Variants in CAMKMT observed in about 807,000 individuals in gnomAD.
The protein encoded by CAMKMT is calmodulin-lysine N-methyltransferase.
In CAMKMT, 53 loss-of-function variants were observed where a neutral mutation model predicts 48.0. The observed-to-expected ratio is 1.10, with a 90% CI of 0.89 to 1.39. CAMKMT has a LOEUF of 1.39. CAMKMT is among the 40% of genes most tolerant of loss of function. The pLI, the probability that CAMKMT is intolerant of heterozygous loss-of-function variation, is 0.00. For synonymous variants in CAMKMT, 165 were observed against 152.3 expected (o/e 1.08, Z -0.61); for missense variants, 428 against 402.7 (o/e 1.06, Z -0.54).
chr2:44,621,817 C>T (rs145218809), intron 3 of CAMKMT, among the ~76,000 whole-genome samples: 316 of 152,224 alleles, frequency 2.1e-3, no homozygotes, highest in African/African-American at 7.1e-3. Flanking sequence ...ATTCTTTTTG[C>T]TCCATGGAGA....
At chr2:44,718,761 A>C (rs1019039115) in intron 7 of CAMKMT, among the ~76,000 whole-genome samples, 2 of 152,228 alleles carry the variant, frequency 1.3e-5, no homozygotes, top group African/African-American at 4.8e-5. Context: ...AGTAAGTTTC[A>C]CTTAAGAATG....
chr2:44,495,314 A>C (rs1305200582), intron 3 of CAMKMT, among the ~76,000 whole-genome samples: 1 of 151,708 alleles, frequency 6.6e-6, no homozygotes, highest in Non-Finnish European at 1.5e-5. Flanking sequence ...TAATTTTTTA[A>C]ATTTTTTTGG....
intron 3 of CAMKMT, among the ~76,000 whole-genome samples, chr2:44,682,248 C>T (rs1039882381): frequency 6.6e-6 from 1 of 152,152 alleles, no homozygotes; most frequent in African/African-American, 2.4e-5. Context: ...AAATGTGTAA[C>T]ATTTTTCAAG....
chr2:44,620,787 T>C (rs775659026), intron 3 of CAMKMT, among the ~76,000 whole-genome samples: 8 of 152,250 alleles, frequency 5.3e-5, no homozygotes, highest in Admixed American at 3.9e-4. Context: ...TTTAATACCA[T>C]GGATTCTAGT....
chr2:44,603,109 G>A (rs1281670412), intron 3 of CAMKMT, among the ~76,000 whole-genome samples: 1 of 151,908 alleles, frequency 6.6e-6, no homozygotes, highest in South Asian at 2.1e-4. Context: ...TGTTTTTTGA[G>A]ACAGAGACTT....
intron 3 of CAMKMT, among the ~76,000 whole-genome samples, chr2:44,503,052 C>T (rs973070522): frequency 2.0e-5 from 3 of 152,038 alleles, no homozygotes; most frequent in African/African-American, 7.2e-5. Flanking sequence ...CATTTTTATT[C>T]TGTTCCATGT....
Position 44,772,210 on chromosome 2 carries a change from G to T in CAMKMT, c.*97G>T. 1.1e-6 allele frequency: 1 copy of T among 952,044 alleles called. No homozygotes were observed. Among genetic ancestry groups the T allele is most frequent in the South Asian group, 1.5e-5 (1 of 68,816 alleles). 59.0% of individuals were successfully genotyped at this position (952,044 alleles called of 1,614,324 possible). A position where few individuals can be genotyped will look rare whatever the true frequency, so the allele number is the denominator to read the frequency against. Reference sequence around the variant, plus strand: ...GTAAGGGGTATAATCGCCTGCCTGCGCCCTTTGCAGCATTTCACGTGTGGG... The same window carrying T: ...GTAAGGGGTATAATCGCCTGCCTGCTCCCTTTGCAGCATTTCACGTGTGGG... On this transcript the variant is annotated 3_prime_UTR_variant, in exon 11 of 11. Coordinates refer to ENST00000378494, the MANE Select transcript of CAMKMT (RefSeq NM_024766.5).
At chr2:44,514,079 G>T (rs180995828) in intron 3 of CAMKMT, among the ~76,000 whole-genome samples, 2 of 149,894 alleles carry the variant, frequency 1.3e-5, no homozygotes, top group Non-Finnish European at 3.0e-5. Flanking sequence ...TCTAGCCTGG[G>T]TGACAGAGCG....
chr2:44,731,932 T>C (rs1424048864), intron 7 of CAMKMT, among the ~76,000 whole-genome samples: 1 of 152,196 alleles, frequency 6.6e-6, no homozygotes, highest in African/African-American at 2.4e-5. Context: ...GTTTGGCATG[T>C]CCATAGCTGT....
chr2:44,495,516 A>T (rs1669712507), intron 3 of CAMKMT, among the ~76,000 whole-genome samples: 1 of 152,200 alleles, frequency 6.6e-6, no homozygotes, highest in South Asian at 2.1e-4. Context: ...CAGTTTTGTA[A>T]TATGTGAAAA....
At chr2:44,739,856 A>T (rs910532784) in intron 7 of CAMKMT, among the ~76,000 whole-genome samples, 1 of 152,194 alleles carries the variant, frequency 6.6e-6, no homozygotes, top group African/African-American at 2.4e-5. Flanking sequence ...CAAAGGGGGA[A>T]ATAACTCCAT....
At chr2:44,542,712 G>C (rs1396159465) in intron 3 of CAMKMT, among the ~76,000 whole-genome samples, 1 of 152,190 alleles carries the variant, frequency 6.6e-6, no homozygotes, top group African/African-American at 2.4e-5. Flanking sequence ...TCCTGGAAGA[G>C]GCAGAACCAC....
intron 3 of CAMKMT, among the ~76,000 whole-genome samples, chr2:44,410,986 T>C (rs1263788722): frequency 6.6e-6 from 1 of 152,212 alleles, no homozygotes; most frequent in African/African-American, 2.4e-5. Flanking sequence ...ATGTTCCTAT[T>C]GGGATTATAT....
chr2:44,679,401 T>A (rs888878248), intron 3 of CAMKMT, among the ~76,000 whole-genome samples: 1 of 152,152 alleles, frequency 6.6e-6, no homozygotes, highest in Non-Finnish European at 1.5e-5. Flanking sequence ...CAAGAATAAA[T>A]GCATTACCAA....
chr2:44,713,728 A>G (rs1678011389), intron 6 of CAMKMT, among the ~76,000 whole-genome samples: 1 of 152,054 alleles, frequency 6.6e-6, no homozygotes, highest in Admixed American at 6.6e-5. Flanking sequence ...TTTCCTACCC[A>G]CCCCTGGGGG....
chr2:44,508,224 C>T (rs1158450368), intron 3 of CAMKMT, among the ~76,000 whole-genome samples: 2 of 152,168 alleles, frequency 1.3e-5, no homozygotes, highest in South Asian at 4.1e-4. Flanking sequence ...GGGAGAATCA[C>T]AGTGCCTTAT....
intron 3 of CAMKMT, among the ~76,000 whole-genome samples, chr2:44,484,019 C>G (rs1487376149): frequency 6.6e-6 from 1 of 152,130 alleles, no homozygotes; most frequent in African/African-American, 2.4e-5. Flanking sequence ...AAAGCATTAC[C>G]ATGAGCCTTT....
intron 3 of CAMKMT, chr2:44,401,082 A>G (rs988284653): frequency 6.6e-6 from 1 of 151,870 alleles, no homozygotes. Context: ...GCTGTCCTGC[A>G]TTTTCAATTC....
chr2:44,412,733 A>G (rs564937509), intron 3 of CAMKMT, among the ~76,000 whole-genome samples: 2 of 152,274 alleles, frequency 1.3e-5, no homozygotes, highest in East Asian at 3.9e-4. Flanking sequence ...AACTTAAGCA[A>G]TAGGAAACAT....
Sources: allele counts gnomAD v4.1 joint callset (sites outside exome capture counted in the v4.1 genomes callset), GRCh38; gene constraint gnomAD v4.1.1; transcripts MANE v1.5; gene names NCBI Gene and HGNC (gene_info 2026-07-23, HGNC 2026-07-21).